The following MSX1 variants were observed in gnomAD, a reference collection of about 807,000 sequenced individuals.
MSX1 encodes the protein homeobox protein MSX-1.
A neutral mutation model predicts 17.0 loss-of-function variants in MSX1; 11 were observed. The ratio of observed to expected loss-of-function variants is 0.65; its 90% confidence interval spans 0.41 to 1.07. The LOEUF (loss-of-function observed/expected upper bound fraction) is 1.07, where lower values mean the gene tolerates loss of function less well. Ranked by LOEUF, MSX1 falls within the 50% of genes least tolerant of loss-of-function variation. The pLI is 0.00. For synonymous variants in MSX1, 253 were observed against 211.8 expected, an observed-to-expected ratio of 1.19 and a Z score of -1.69; for missense variants, 477 against 440.1, an observed-to-expected ratio of 1.08 and a Z score of -0.75.
chr4:4,859,876 G>A lies in MSX1; in HGVS notation c.-24G>A. The A allele has an allele frequency of 2.0e-6, 3 of 1,470,378 alleles. No homozygotes were observed. The highest frequency in any genetic ancestry group is 2.7e-6 in the Non-Finnish European group (3 of 1,109,374). The allele number at this position is 1,470,378 out of a possible 1,614,324, so 91.1% of individuals were successfully genotyped here. On this transcript the variant is annotated 5_prime_UTR_variant, in exon 1 of 2. Coordinates refer to ENST00000382723, the MANE Select transcript of MSX1 (RefSeq NM_002448.3). ...TGCCCGGCGGCTGGCCAGTGCTGCGGCAGAAGGGGGGGCCCGGCTCTGCAT... is the reference window on the plus strand; with the variant it reads ...TGCCCGGCGGCTGGCCAGTGCTGCGACAGAAGGGGGGGCCCGGCTCTGCAT...
Position 4,859,749 on chromosome 4 carries a change from G to T in MSX1, c.-151G>T. The T allele has an allele frequency of 2.4e-6, 1 of 418,820 alleles. No individual in the cohort carries two copies. The highest frequency in any genetic ancestry group is 3.5e-6 in the Non-Finnish European group (1 of 285,582). The allele number at this position is 418,820 out of a possible 1,614,324, so 25.9% of individuals were successfully genotyped here. A position where few individuals can be genotyped will look rare whatever the true frequency, so the allele number is the denominator to read the frequency against. On this transcript the variant is annotated 5_prime_UTR_variant, in exon 1 of 2. Coordinates refer to ENST00000382723, the MANE Select transcript of MSX1 (RefSeq NM_002448.3). ...GGCCAGGCCCAGCACGCCGGAGCTG[G>T]CCTGCTGGGGAGGGGCGGGAGGCGC...
At chr4:4,860,460 C>T (rs1737889467) in intron 1 of MSX1, 92 bp downstream of exon 1, 9 of 1,467,596 alleles carry the variant, frequency 6.1e-6, no homozygotes, top group Non-Finnish European at 8.3e-6. Flanking sequence ...CCTCCGGCGC[C>T]TGCGTACCTG....
chr4:4,859,671 C>T lies in MSX1; in HGVS notation c.-229C>T, dbSNP rs558561774. 698 of 186,708 alleles carry T rather than the reference C, an allele frequency of 3.7e-3. 8 individuals carry two copies. The highest frequency in any genetic ancestry group is 0.014 in the African/African-American group (611 of 42,300). The allele number at this position is 186,708 out of a possible 1,614,324, so 11.6% of individuals were successfully genotyped here. A position where few individuals can be genotyped will look rare whatever the true frequency, so the allele number is the denominator to read the frequency against. On this transcript the variant is annotated 5_prime_UTR_variant, in exon 1 of 2. Coordinates refer to ENST00000382723, the MANE Select transcript of MSX1 (RefSeq NM_002448.3). ...TTCTCTGGGGAGCCGCGGTAGGGCCCGGAGCCGGCGAGTGCTCCCGGGAAC... is the reference window on the plus strand; with the variant it reads ...TTCTCTGGGGAGCCGCGGTAGGGCCTGGAGCCGGCGAGTGCTCCCGGGAAC...
rs1490536643 is a variant in MSX1 at position 4,863,345 on chromosome 4, T to C, written c.*202T>C. 4.8e-6 allele frequency: 2 copies of C among 421,012 alleles called. No individual in the cohort carries two copies. The highest frequency in any genetic ancestry group is 8.2e-6 in the Non-Finnish European group (2 of 243,016). The allele number at this position is 421,012 out of a possible 1,614,324, so 26.1% of individuals were successfully genotyped here. ...TGGCTGGAAGAGTCCCTTAGTACTC[T>C]TCTAGCATTTAGATCTACACTCTCG... On this transcript the variant is annotated 3_prime_UTR_variant, in exon 2 of 2. Transcript: ENST00000382723.
chr4:4,862,480 G>A (rs570849294), intron 1 of MSX1: 10 of 710,790 alleles, frequency 1.4e-5, no homozygotes, highest in Admixed American at 8.0e-5. Context: ...TGGAATCTTA[G>A]TTTCTTCATT....
At chr4:4,862,663 C>G (rs553020538) in intron 1 of MSX1, 38 bp from the exon 2 acceptor site, 11 of 1,601,238 alleles carry the variant, frequency 6.9e-6, no homozygotes, top group Non-Finnish European at 9.3e-6. Context: ...CAATGCTTCT[C>G]TCTTAACCCC....
At chr4:4,860,519 C>T in intron 1 of MSX1, 151 bp downstream of exon 1, 1 of 963,352 alleles carries the variant, frequency 1.0e-6, no homozygotes. Flanking sequence ...CTTGCGCCTC[C>T]CTCCACTCCC....
At position 4,863,102 on chromosome 4, in the gene MSX1, T is replaced by C. The variant is rs1426946585; in HGVS notation, c.871T>C (p.Tyr291His). The C allele has an allele frequency of 2.5e-6, 4 of 1,609,890 alleles. No homozygotes were observed. In the East Asian group the frequency reaches 6.7e-5, roughly 27 times the overall value. Residue 291 changes from tyrosine to histidine, a missense_variant, in exon 2 of 2, where the codon TAC becomes CAC. By Grantham distance (83) the Tyr-to-His change is moderately conservative. Transcript: ENST00000382723. ...AALPVAPVGL[Y>H]TAHVGYSMYH... Reference sequence around the variant, plus strand: ...GCTGCCTGTGGCGCCCGTGGGACTCTACACGGCCCATGTGGGCTACAGCAT... The same window carrying C: ...GCTGCCTGTGGCGCCCGTGGGACTCCACACGGCCCATGTGGGCTACAGCAT...
At chr4:4,862,009 A>C (rs1360494421) in intron 1 of MSX1, among the ~76,000 whole-genome samples, 3 of 152,194 alleles carry the variant, frequency 2.0e-5, no homozygotes, top group Non-Finnish European at 4.4e-5. Flanking sequence ...AAAGCCCATT[A>C]GAATAAAGCA....
At position 4,859,971 on chromosome 4, in the gene MSX1, G is replaced by T; in HGVS notation, c.72G>T (p.Pro24=). The change falls in exon 1 of 2, where the codon CCG becomes CCT. Residue 24 remains proline (P), a synonymous_variant. Transcript: ENST00000382723. ...VKVEDSAFGK[P]AGGGAGQAPS... ...TGGAGGACTCCGCCTTCGGCAAGCC[G>T]GCGGGGGGAGGCGCGGGCCAGGCCC... is the stretch of plus-strand genomic sequence containing the variant. 6.7e-7 allele frequency: 1 copy of T among 1,488,816 alleles called. No individual in the cohort carries two copies. Among genetic ancestry groups the T allele is most frequent in the Non-Finnish European group, 8.9e-7 (1 of 1,120,018 alleles). The allele number at this position is 1,488,816 out of a possible 1,614,324, so 92.2% of individuals were successfully genotyped here.
chr4:4,860,474 C>G, intron 1 of MSX1, 106 bp downstream of exon 1: 1 of 1,403,970 alleles, frequency 7.1e-7, no homozygotes, highest in Non-Finnish European at 9.7e-7. Context: ...GTACCTGCAG[C>G]CGGTGCTAGG....
In MSX1 at chr4:4,860,213, C is replaced by A. The variant is rs778451461; in HGVS notation, c.314C>A (p.Ala105Asp). The A allele has an allele frequency of 7.7e-6, 12 of 1,549,990 alleles. No individual in the cohort carries two copies. In the African/African-American group the frequency reaches 1.7e-4, roughly 22 times the overall value. Residue 105 changes from alanine (A) to aspartate (D), a missense_variant, in exon 1 of 2, where the codon GCC becomes GAC. Around this residue, in one of 3 missense-constraint regions of MSX1, gnomAD observed 355 missense variants for 306.1 expected, o/e 1.16. Coordinates refer to ENST00000382723, the MANE Select transcript of MSX1 (RefSeq NM_002448.3). ...GGCGTCCCGCCGGGGTCGCTGGGAG[C>A]CCCGGACGCGCCCTCTTCGCCGCGG... Reference protein sequence around the residue: ...PLGVPPGSLGAPDAPSSPRPL... With the variant: ...PLGVPPGSLGDPDAPSSPRPL...
In MSX1 at chr4:4,862,730, C is replaced by T. The variant is rs757868861; in HGVS notation, c.499C>T (p.Arg167Cys). 2.5e-5 allele frequency: 41 copies of T among 1,613,296 alleles called. No individual in the cohort carries two copies. The highest frequency in any genetic ancestry group is 3.5e-5 in the Non-Finnish European group (41 of 1,180,032). Residue 167 changes from arginine (R) to cysteine (C), a missense_variant, in exon 2 of 2, where the codon CGC (arginine) becomes TGC (cysteine). Physicochemically the swap from Arg to Cys is radical, Grantham distance 180. Transcript: ENST00000382723. ...GCTGAGCCCCCCAGCCTGCACCCTC[C>T]GCAAACACAAGACGAACCGTAAGCC... ...RRLSPPACTL[R>C]KHKTNRKPRT...
Position 4,863,247 on chromosome 4 carries a change from A to C in MSX1, c.*104A>C. On this transcript the variant is annotated 3_prime_UTR_variant, in exon 2 of 2. Coordinates refer to ENST00000382723, the MANE Select transcript of MSX1 (RefSeq NM_002448.3). ...GGCACCGCCAGCCGCCTTCCCTTTA[A>C]CCCTCACACTGCTCCAGTTTCACCT... The C allele has an allele frequency of 4.2e-6, 5 of 1,177,006 alleles. No individual in the cohort carries two copies. The highest frequency in any genetic ancestry group is 2.5e-5 in the East Asian group (1 of 39,336). The allele number at this position is 1,177,006 out of a possible 1,614,324, so 72.9% of individuals were successfully genotyped here. A position where few individuals can be genotyped will look rare whatever the true frequency, so the allele number is the denominator to read the frequency against.
rs1370476101 is a variant in MSX1, at chr4:4,860,304, G to C, written c.405G>C (p.Glu135Asp). The C allele has an allele frequency of 1.5e-5, 24 of 1,602,758 alleles. No homozygotes were observed. Among genetic ancestry groups the C allele is most frequent in the Non-Finnish European group, 1.9e-5 (23 of 1,179,652 alleles). Reference protein sequence around the residue: ...KLPEDALVKAESPEKPERTPW... With the variant: ...KLPEDALVKADSPEKPERTPW... ...CAGAAGATGCGCTCGTCAAAGCCGA[G>C]AGCCCCGAGAAGCCCGAGAGGACCC... is the stretch of plus-strand genomic sequence containing the variant. The change falls in exon 1 of 2, where the codon GAG (glutamate) becomes GAC (aspartate). Residue 135 changes from glutamate to aspartate, a missense_variant. Physicochemically the swap from Glu to Asp is conservative, Grantham distance 45 (BLOSUM62 2). Around this residue, in one of 3 missense-constraint regions of MSX1, gnomAD observed 355 missense variants for 306.1 expected, o/e 1.16. Coordinates refer to ENST00000382723, the MANE Select transcript of MSX1 (RefSeq NM_002448.3).
In MSX1 at chr4:4,861,338, G is replaced by A. The variant is rs73797606; in HGVS notation, c.469+970G>A. 8.9e-3 allele frequency among the ~76,000 whole-genome samples: 1,363 copies of A among 152,368 alleles called. 27 individuals are homozygous for A. The highest frequency in any genetic ancestry group is 0.031 in the African/African-American group (1,280 of 41,586). ...CGGCGCCCGCCCCTCGGGCGGCCCG[G>A]CGGAAAGCTAGTTGGGGGCCAAGCG... On this transcript the variant is annotated intron_variant, in intron 1 of 1. Transcript: ENST00000382723.
chr4:4,862,731 G>A lies in MSX1; in HGVS notation c.500G>A (p.Arg167His). 1.2e-6 allele frequency: 2 copies of A among 1,613,142 alleles called. No individual in the cohort carries two copies. The highest frequency in any genetic ancestry group is 8.5e-7 in the Non-Finnish European group (1 of 1,180,004). Reference sequence around the variant, plus strand: ...CTGAGCCCCCCAGCCTGCACCCTCCGCAAACACAAGACGAACCGTAAGCCG... The same window carrying A: ...CTGAGCCCCCCAGCCTGCACCCTCCACAAACACAAGACGAACCGTAAGCCG... ...RRLSPPACTLRKHKTNRKPRT... is the reference protein window; with the variant it reads ...RRLSPPACTLHKHKTNRKPRT... The change falls in exon 2 of 2, where the codon CGC (arginine) becomes CAC (histidine). Residue 167 changes from arginine (R) to histidine (H), a missense_variant. By Grantham distance (29) the Arg-to-His change is conservative. Coordinates refer to ENST00000382723, the MANE Select transcript of MSX1 (RefSeq NM_002448.3).
At chr4:4,860,704 C>T (rs1391314101) in intron 1 of MSX1, among the ~76,000 whole-genome samples, 4 of 152,224 alleles carry the variant, frequency 2.6e-5, no homozygotes, top group Admixed American at 2.6e-4. Context: ...TTCACCCCAG[C>T]GGATGAATGT....
intron 1 of MSX1, among the ~76,000 whole-genome samples, chr4:4,861,673 C>G (rs1419084877): frequency 1.3e-5 from 2 of 152,214 alleles, no homozygotes; most frequent in Admixed American, 1.3e-4. Flanking sequence ...AAAGCGATCC[C>G]GGCTGTGTTG....
Sources: allele counts gnomAD v4.1 joint callset (sites outside exome capture counted in the v4.1 genomes callset), GRCh38; gene constraint gnomAD v4.1.1; regional missense constraint gnomAD v4.1.1; transcripts MANE v1.5; gene names NCBI Gene and HGNC (gene_info 2026-07-23, HGNC 2026-07-21).